Variants in CACNA1A observed in about 807,000 individuals in gnomAD.
The protein encoded by CACNA1A is calcium voltage-gated channel subunit alpha1 A.
In CACNA1A, 57 loss-of-function variants were observed where a neutral mutation model predicts 262.4. The ratio of observed to expected loss-of-function variants is 0.22; its 90% CI spans 0.18 to 0.27. The LOEUF (loss-of-function observed/expected upper bound fraction) is 0.27. Among genes scored for constraint, CACNA1A ranks in the 10% least tolerant of loss-of-function variants. The pLI, the probability that CACNA1A is intolerant of heterozygous loss-of-function variation, is 1.00. For synonymous variants in CACNA1A, 1,431 were observed against 1,419.3 expected, an observed-to-expected ratio of 1.01 and a Z score of -0.18; for missense variants, 2,526 against 3,562.8, an observed-to-expected ratio of 0.71 and a Z score of 7.41.
chr19:13,365,648 T>C, intron 4 of CACNA1A, 179 bp from the exon 5 acceptor site: 2 of 537,122 alleles, frequency 3.7e-6, no homozygotes, highest in East Asian at 2.9e-5. Flanking sequence ...CTGATCCTTA[T>C]CATGGGAACA....
chr19:13,264,847 A>G (rs550874723), intron 24 of CACNA1A, among the ~76,000 whole-genome samples: 1 of 147,108 alleles, frequency 6.8e-6, no homozygotes, highest in Non-Finnish European at 1.5e-5. Flanking sequence ...AGTGTAATCT[A>G]CTCTTCTCTG....
At chr19:13,245,319 C>T in intron 30 of CACNA1A, 54 bp from the exon 31 acceptor site, 1 of 1,469,770 alleles carries the variant, frequency 6.8e-7, no homozygotes, top group Non-Finnish European at 9.5e-7. Flanking sequence ...GGTTCCCGGC[C>T]CCCTAGGCTG....
chr19:13,470,015 C>T (rs1247882785), intron 1 of CACNA1A, among the ~76,000 whole-genome samples: 1 of 152,072 alleles, frequency 6.6e-6, no homozygotes, highest in Non-Finnish European at 1.5e-5. Flanking sequence ...ATGAGATCAA[C>T]TATCTGGGCT....
In CACNA1A at chr19:13,212,310, T is replaced by TG; in HGVS notation, c.6189+73dup. On this transcript the variant is annotated intron_variant, in intron 42 of 46. Coordinates refer to ENST00000360228, the MANE Select transcript of CACNA1A (RefSeq NM_001127222.2). This position sits in a 1 kb window ranked among gnomAD's most constrained non-coding sequence, Gnocchi z 5.6. ...GGAGGGAGCTGCAGGTGTGTGTGTG[T>TG]GGGGGGCCCAGATCCCTTCCACCTG... 2 of 1,551,392 alleles carry TG rather than the reference T, an allele frequency of 1.3e-6. No homozygotes were observed. Among genetic ancestry groups the TG allele is most frequent in the Non-Finnish European group, 1.8e-6 (2 of 1,127,436 alleles).
At chr19:13,443,665 T>C (rs1448554319) in intron 3 of CACNA1A, among the ~76,000 whole-genome samples, 1 of 152,214 alleles carries the variant, frequency 6.6e-6, no homozygotes, top group Non-Finnish European at 1.5e-5. Context: ...GTATATCATA[T>C]TGTAAGCACC....
chr19:13,327,534 A>T (rs933267098), intron 10 of CACNA1A, among the ~76,000 whole-genome samples: 6 of 150,268 alleles, frequency 4.0e-5, no homozygotes, highest in African/African-American at 1.2e-4. Flanking sequence ...AAAAAAAAAA[A>T]TTAAAAAAAT....
At chr19:13,438,956 C>T (rs2060662576) in intron 3 of CACNA1A, among the ~76,000 whole-genome samples, 1 of 152,056 alleles carries the variant, frequency 6.6e-6, no homozygotes, top group South Asian at 2.1e-4. Flanking sequence ...CCAGGCTGGT[C>T]TCAAACTCCT....
At chr19:13,474,816 C>CAA (rs58540948) in intron 1 of CACNA1A, among the ~76,000 whole-genome samples, 20,454 of 126,198 alleles carry the variant, frequency 0.16, 2,405 homozygotes, top group East Asian at 0.33. Context: ...GACTCCGTCT[C>CAA]AAAAAAAAAA....
intron 1 of CACNA1A, among the ~76,000 whole-genome samples, chr19:13,493,271 G>C (rs1269505517): frequency 6.6e-6 from 1 of 152,168 alleles, no homozygotes; most frequent in East Asian, 1.9e-4. Flanking sequence ...CACTCCTCTT[G>C]AAGAAACCCA....
At chr19:13,374,273 G>A (rs1027436047) in intron 3 of CACNA1A, among the ~76,000 whole-genome samples, 3 of 152,048 alleles carry the variant, frequency 2.0e-5, no homozygotes, top group Admixed American at 6.6e-5. Flanking sequence ...TTGGAGACAG[G>A]GACTTATTCT....
At chr19:13,370,130 T>A (rs1013826290) in intron 4 of CACNA1A, among the ~76,000 whole-genome samples, 3 of 152,148 alleles carry the variant, frequency 2.0e-5, no homozygotes, top group African/African-American at 7.2e-5. Flanking sequence ...AGACGGAGTT[T>A]CACTCTTTCA....
intron 3 of CACNA1A, among the ~76,000 whole-genome samples, chr19:13,419,663 T>G (rs1367518169): frequency 1.3e-5 from 2 of 150,960 alleles, no homozygotes; most frequent in Non-Finnish European, 1.5e-5. Flanking sequence ...GGTAACAGAG[T>G]GAGACCTTGT....
chr19:13,351,948 T>C (rs1336839294), intron 6 of CACNA1A, among the ~76,000 whole-genome samples: 1 of 152,208 alleles, frequency 6.6e-6, no homozygotes, highest in African/African-American at 2.4e-5. Context: ...GCTGGCCATT[T>C]ATTATTGATG....
intron 19 of CACNA1A, among the ~76,000 whole-genome samples, chr19:13,289,140 C>CTTTTT (rs36024401): frequency 8.2e-6 from 1 of 122,246 alleles, no homozygotes; most frequent in African/African-American, 3.1e-5. Context: ...TCGGCAATGT[C>CTTTTT]TTTTTTTTTT....
At chr19:13,254,815 A>G (rs2056499982) in intron 29 of CACNA1A, among the ~76,000 whole-genome samples, 1 of 152,056 alleles carries the variant, frequency 6.6e-6, no homozygotes, top group Non-Finnish European at 1.5e-5. Context: ...CAGGCGACAT[A>G]AAGATAGGAT....
At chr19:13,287,013 T>C in intron 19 of CACNA1A, 47 bp from the exon 20 acceptor site, 2 of 1,430,868 alleles carry the variant, frequency 1.4e-6, no homozygotes, top group Non-Finnish European at 9.5e-7. Context: ...TGATTTAGGA[T>C]AAAAGGCAAC....
At chr19:13,221,032 C>T (rs560278712) in intron 38 of CACNA1A, among the ~76,000 whole-genome samples, 89 of 150,860 alleles carry the variant, frequency 5.9e-4, no homozygotes, top group Non-Finnish European at 7.4e-4. Context: ...AGTCTTGCCA[C>T]GTGGCCTTGG....
chr19:13,245,534 C>T (rs1397871755), intron 30 of CACNA1A: 2 of 494,760 alleles, frequency 4.0e-6, no homozygotes, highest in Non-Finnish European at 7.3e-6. Flanking sequence ...TGGGGCTGCT[C>T]TTCAGAGCTG....
intron 1 of CACNA1A, among the ~76,000 whole-genome samples, chr19:13,466,745 G>T (rs547266292): frequency 2.6e-5 from 4 of 151,936 alleles, no homozygotes; most frequent in Non-Finnish European, 5.9e-5. Context: ...TTGTGCACTT[G>T]TGAGAATTTT....
Sources: allele counts gnomAD v4.1 joint callset (sites outside exome capture counted in the v4.1 genomes callset), GRCh38; gene constraint gnomAD v4.1.1; non-coding constraint Gnocchi (gnomAD v3.1); transcripts MANE v1.5; gene names NCBI Gene and HGNC (gene_info 2026-07-23, HGNC 2026-07-21).